GRM5: variants seen among roughly 807,000 people sequenced by gnomAD.
The protein encoded by GRM5 is glutamate metabotropic receptor 5.
GRM5 carries 19 observed loss-of-function variants against 83.1 expected under a neutral mutation model. The ratio of observed to expected loss-of-function variants is 0.23; its 90% CI spans 0.16 to 0.34. The LOEUF is 0.34. Among genes scored for constraint, GRM5 ranks in the 10% least tolerant of loss-of-function variants. The pLI is 1.00. For missense variants in GRM5, 1,160 were observed against 1,588.3 expected, an observed-to-expected ratio of 0.73 and a Z score of 4.58; for synonymous variants, 675 against 633.6, an observed-to-expected ratio of 1.07 and a Z score of -0.98.
chr11:89,009,061 A>C, intron 2 of GRM5: 1 of 745,270 alleles, frequency 1.3e-6, no homozygotes. Flanking sequence ...TCAATGTCTG[A>C]TCCCTCTTAC....
At chr11:89,002,959 C>G (rs892246823) in intron 2 of GRM5, among the ~76,000 whole-genome samples, 2 of 151,512 alleles carry the variant, frequency 1.3e-5, no homozygotes, top group Non-Finnish European at 2.9e-5. Context: ...GGTTCATTTA[C>G]TTTTCTTAGT....
Position 88,508,371 on chromosome 11 carries a change from T to C in GRM5, c.*221A>G. 1 of 457,414 alleles carries C rather than the reference T, an allele frequency of 2.2e-6. No homozygotes were observed. Among genetic ancestry groups the C allele is most frequent in the Non-Finnish European group, 3.8e-6 (1 of 260,100 alleles). 28.3% of individuals were successfully genotyped at this position (457,414 alleles called of 1,614,324 possible). ...ATCAGCCGTGTTTCTTAAAAGCCCA[T>C]GTTTTCTAAGGCCACTAGAAGAAAA... On this transcript the variant is annotated 3_prime_UTR_variant, in exon 10 of 10. Coordinates refer to ENST00000305447, the MANE Select transcript of GRM5 (RefSeq NM_001143831.3). The surrounding 1 kb of genome is among the most constrained non-coding windows in gnomAD (Gnocchi z 4.2).
At chr11:88,790,474 T>A (rs1264564718) in intron 3 of GRM5, among the ~76,000 whole-genome samples, 1 of 152,212 alleles carries the variant, frequency 6.6e-6, no homozygotes, top group African/African-American at 2.4e-5. Flanking sequence ...ATTTGTTCTA[T>A]GAAAAATTTT....
chr11:88,576,380 CA>C (rs2135186201), intron 7 of GRM5, among the ~76,000 whole-genome samples: 2 of 152,168 alleles, frequency 1.3e-5, no homozygotes, highest in East Asian at 3.9e-4. Context: ...GTAGATTTAG[CA>C]ATTTGAGAGG....
At chr11:88,692,516 T>C (rs982953515) in intron 3 of GRM5, among the ~76,000 whole-genome samples, 2 of 152,176 alleles carry the variant, frequency 1.3e-5, no homozygotes, top group East Asian at 3.8e-4. Context: ...TCACTGATGT[T>C]CTCTGTCACC....
At chr11:89,060,025 G>T (rs560017500) in intron 1 of GRM5, among the ~76,000 whole-genome samples, 10 of 152,004 alleles carry the variant, frequency 6.6e-5, no homozygotes, top group Non-Finnish European at 1.5e-4. Flanking sequence ...AAGCCACAAA[G>T]CTGAGATTCA....
At chr11:88,659,958 C>T (rs1846445) in intron 3 of GRM5, among the ~76,000 whole-genome samples, 3,178 of 152,256 alleles carry the variant, frequency 0.021, 91 homozygotes, top group East Asian at 0.12. Flanking sequence ...ATACATGTAG[C>T]CCTGAAAATT....
chr11:88,726,337 G>T (rs142956407), intron 3 of GRM5, among the ~76,000 whole-genome samples: 8,335 of 152,096 alleles, frequency 0.055, 206 homozygotes, highest in Middle Eastern at 0.078. Flanking sequence ...CAAGATTAGA[G>T]AAAAAAGAAT....
intron 3 of GRM5, among the ~76,000 whole-genome samples, chr11:88,724,097 C>T (rs1224433761): frequency 6.6e-6 from 1 of 152,082 alleles, no homozygotes; most frequent in Non-Finnish European, 1.5e-5. Context: ...CTTACATGTG[C>T]TCGTAGCTAC....
At chr11:88,798,242 G>A (rs767820076) in intron 3 of GRM5, among the ~76,000 whole-genome samples, 15 of 152,154 alleles carry the variant, frequency 9.9e-5, no homozygotes, top group Middle Eastern at 3.4e-3. Flanking sequence ...TGACAATATC[G>A]TTCAATTTTT....
intron 2 of GRM5, among the ~76,000 whole-genome samples, chr11:88,964,658 T>C (rs1240944957): frequency 6.6e-6 from 1 of 152,066 alleles, no homozygotes; most frequent in Non-Finnish European, 1.5e-5. Context: ...AAAAGCACAA[T>C]ACATATCAAA....
intron 8 of GRM5, among the ~76,000 whole-genome samples, chr11:88,566,464 T>G (rs184525235): frequency 2.0e-5 from 3 of 152,320 alleles, no homozygotes; most frequent in Admixed American, 2.0e-4. Flanking sequence ...ATGTGCAAAG[T>G]CACTTTGTTG....
intron 3 of GRM5, among the ~76,000 whole-genome samples, chr11:88,797,577 A>T (rs1384364973): frequency 6.6e-6 from 1 of 152,236 alleles, no homozygotes; most frequent in East Asian, 1.9e-4. Flanking sequence ...TTGAGATGAT[A>T]CTAAGACACT....
intron 3 of GRM5, among the ~76,000 whole-genome samples, chr11:88,787,335 A>C (rs1050751988): frequency 2.3e-4 from 35 of 152,080 alleles, no homozygotes; most frequent in Admixed American, 2.1e-3. Flanking sequence ...GAAAGAAATG[A>C]AATTTTTTTA....
chr11:88,566,026 C>G (rs1232975098), intron 8 of GRM5, among the ~76,000 whole-genome samples: 4 of 152,122 alleles, frequency 2.6e-5, no homozygotes, highest in Non-Finnish European at 5.9e-5. Flanking sequence ...GAGAATAGTT[C>G]AAGAGATGTT....
chr11:88,791,455 C>T (rs1943170410), intron 3 of GRM5, among the ~76,000 whole-genome samples: 1 of 152,130 alleles, frequency 6.6e-6, no homozygotes. Flanking sequence ...GCTGCTACTG[C>T]TAATGTTGAA....
chr11:89,004,151 T>A (rs1940462867), intron 2 of GRM5, among the ~76,000 whole-genome samples: 1 of 149,400 alleles, frequency 6.7e-6, no homozygotes, highest in Non-Finnish European at 1.5e-5. Flanking sequence ...AATTAATAGG[T>A]ACTAAATGCT....
intron 2 of GRM5, among the ~76,000 whole-genome samples, chr11:88,866,571 A>G (rs1944669656): frequency 6.6e-6 from 1 of 151,976 alleles, no homozygotes; most frequent in Admixed American, 6.6e-5. Context: ...ATACATAAAA[A>G]TAAAAGCACA....
intron 3 of GRM5, among the ~76,000 whole-genome samples, chr11:88,728,087 G>A (rs1941723001): frequency 6.6e-6 from 1 of 151,960 alleles, no homozygotes; most frequent in African/African-American, 2.4e-5. Flanking sequence ...GCGAATCCAG[G>A]AGCTGGTTTT....
Sources: gnomAD v4.1 joint callset for allele counts (sites outside exome capture counted in the v4.1 genomes callset) on GRCh38, gnomAD v4.1.1 for gene constraint, Gnocchi (gnomAD v3.1) non-coding constraint, MANE v1.5 for transcripts, NCBI Gene and HGNC (gene_info 2026-07-23, HGNC 2026-07-21) for gene names.